Variants in PPM1H observed in about 807,000 individuals in gnomAD.
The protein encoded by PPM1H is protein phosphatase 1H.
Under a neutral mutation model 54.9 loss-of-function variants are expected in PPM1H, and 27 were observed. That is an observed-to-expected ratio of 0.49 (90% confidence interval 0.36 to 0.68). PPM1H has a LOEUF of 0.68. PPM1H is among the 30% of genes least tolerant of loss of function. PPM1H has a pLI of 0.00. For synonymous variants in PPM1H, 305 were observed against 270.8 expected (o/e 1.13, Z -1.24); for missense variants, 596 against 667.8 (o/e 0.89, Z 1.19).
In PPM1H at chr12:62,886,468, T is replaced by G. The variant is rs112081557; in HGVS notation, c.245+48024A>C. The stretch of plus-strand genomic sequence containing the variant: ...AAGTGCTGTATTTTTTTTTTAACAA[T>G]AAACAGCAGAAACTGAACAGTAGCA... On this transcript the variant is annotated intron_variant, in intron 1 of 9. Transcript: ENST00000228705. Among the ~76,000 whole-genome samples the G allele has an allele frequency of 4.7e-3, 717 of 152,278 alleles. 7 individuals carry two copies. Among genetic ancestry groups the G allele is most frequent in the Middle Eastern group, 0.02 (6 of 294 alleles).
intron 2 of PPM1H, among the ~76,000 whole-genome samples, chr12:62,806,214 TAGTATAATGCTAGAAGACACTG>T (rs1302093440): frequency 2.0e-5 from 3 of 152,158 alleles, no homozygotes; most frequent in African/African-American, 4.8e-5. Flanking sequence ...ATAAAATTTT[TAGTATAATGCTAGAAGACACTG>T]AGTAGATATG....
chr12:62,690,110 C>T (rs1251455172), intron 7 of PPM1H, among the ~76,000 whole-genome samples: 1 of 152,116 alleles, frequency 6.6e-6, no homozygotes, highest in East Asian at 1.9e-4. Flanking sequence ...AAACTAACTC[C>T]AATGCATGCG....
intron 1 of PPM1H, among the ~76,000 whole-genome samples, chr12:62,931,359 A>C (rs925307969): frequency 5.3e-5 from 8 of 152,142 alleles, no homozygotes; most frequent in Non-Finnish European, 1.0e-4. Context: ...CTCCCAGTAA[A>C]TCCTGTAGGA....
Position 62,864,449 on chromosome 12 carries a change from G to A in PPM1H, c.246-32170C>T, listed in dbSNP as rs1869706276. ...CATGCCACCAGAATTTGTGAACTGTGCAATGAGCACTTGCTGGTTTTGTCT... is the reference window on the plus strand; with the variant it reads ...CATGCCACCAGAATTTGTGAACTGTACAATGAGCACTTGCTGGTTTTGTCT... On this transcript the variant is annotated intron_variant, in intron 1 of 9. Transcript: ENST00000228705. Among the ~76,000 whole-genome samples the A allele has an allele frequency of 2.0e-5, 3 of 152,202 alleles. No individual in the cohort carries two copies. In the South Asian group the frequency reaches 6.2e-4, roughly 32 times the overall value.
At chr12:62,716,182 AG>A (rs887869982) in intron 6 of PPM1H, among the ~76,000 whole-genome samples, 1 of 152,116 alleles carries the variant, frequency 6.6e-6, no homozygotes, top group Non-Finnish European at 1.5e-5. Flanking sequence ...AATGGGAGTA[AG>A]GGGGGGTCAT....
At chr12:62,867,001 A>G (rs1301427589) in intron 1 of PPM1H, among the ~76,000 whole-genome samples, 2 of 151,856 alleles carry the variant, frequency 1.3e-5, no homozygotes, top group Non-Finnish European at 2.9e-5. Context: ...CATTCCACAA[A>G]TGTTTATTCA....
intron 9 of PPM1H, among the ~76,000 whole-genome samples, chr12:62,659,438 T>G: frequency 6.6e-6 from 1 of 152,106 alleles, no homozygotes; most frequent in South Asian, 2.1e-4. Flanking sequence ...TTTACTCCCA[T>G]CTCTGCCTGA....
intron 4 of PPM1H, among the ~76,000 whole-genome samples, chr12:62,779,934 A>C (rs1442899438): frequency 6.6e-6 from 1 of 152,236 alleles, no homozygotes; most frequent in African/African-American, 2.4e-5. Context: ...TCAGCACTCC[A>C]GTCTCTCTTT....
At chr12:62,872,896 A>T (rs1870034761) in intron 1 of PPM1H, among the ~76,000 whole-genome samples, 1 of 152,248 alleles carries the variant, frequency 6.6e-6, no homozygotes, top group South Asian at 2.1e-4. Flanking sequence ...TTTGAATCTA[A>T]ATACTACTTT....
chr12:62,899,565 A>G lies in PPM1H; in HGVS notation c.245+34927T>C, dbSNP rs560706551. On this transcript the variant is annotated intron_variant, in intron 1 of 9. Transcript: ENST00000228705. ...TGCACTTTGACATTTTAAAATATCT[A>G]TGTGCATAGTTATTAAAGAGCTTTT... Among the ~76,000 whole-genome samples, 8 of 152,348 alleles carry G rather than the reference A, an allele frequency of 5.3e-5. No individual in the cohort carries two copies. The South Asian group carries it at 1.7e-3, about 32-fold the overall frequency.
intron 2 of PPM1H, among the ~76,000 whole-genome samples, chr12:62,805,427 A>C (rs540607428): frequency 5.7e-4 from 87 of 152,254 alleles, no homozygotes; most frequent in Non-Finnish European, 1.0e-3. Context: ...ACAACAGCCA[A>C]GACACTGAAA....
chr12:62,792,438 T>C (rs1353335512), intron 3 of PPM1H, among the ~76,000 whole-genome samples: 1 of 152,254 alleles, frequency 6.6e-6, no homozygotes, highest in Non-Finnish European at 1.5e-5. Context: ...AAGAGTGAAC[T>C]TAAGTACTTT....
intron 4 of PPM1H, among the ~76,000 whole-genome samples, chr12:62,759,119 C>G (rs2076491898): frequency 6.6e-6 from 1 of 152,306 alleles, no homozygotes; most frequent in Non-Finnish European, 1.5e-5. Context: ...TTGGACTCAG[C>G]CCGCCTGCAC....
chr12:62,659,679 G>T (rs979981747), intron 9 of PPM1H, among the ~76,000 whole-genome samples: 2 of 152,168 alleles, frequency 1.3e-5, no homozygotes, highest in Non-Finnish European at 1.5e-5. Context: ...AACGACAAAA[G>T]CCCCTAGTCT....
At position 62,795,188 on chromosome 12, in the gene PPM1H, C is replaced by G. The variant is rs535121828; in HGVS notation, c.756+6628G>C. On this transcript the variant is annotated intron_variant, in intron 3 of 9. Transcript: ENST00000228705. ...CTTATAGTATTTGATGAAACTGTTA[C>G]CATCTCCCCTCATTGGAAGCATTTT... 2.0e-5 allele frequency among the ~76,000 whole-genome samples: 3 copies of G among 152,246 alleles called. No individual in the cohort carries two copies. The South Asian group carries it at 6.2e-4, about 32-fold the overall frequency.
chr12:62,920,659 TC>T (rs1386173386), intron 1 of PPM1H, among the ~76,000 whole-genome samples: 1 of 151,282 alleles, frequency 6.6e-6, no homozygotes, highest in Non-Finnish European at 1.5e-5. Context: ...TTCTTAATAG[TC>T]CCTTCTTTAT....
At position 62,832,270 on chromosome 12, in the gene PPM1H, A is replaced by G. The variant is rs771642841; in HGVS notation, c.255T>C (p.Asn85=). 6 of 1,611,442 alleles carry G rather than the reference A, an allele frequency of 3.7e-6. No individual in the cohort carries two copies. The highest frequency in any genetic ancestry group is 4.2e-6 in the Non-Finnish European group (5 of 1,178,760). ...PWATGYAEVI[N]AGKSTHNEDQ... The stretch of plus-strand genomic sequence containing the variant: ...CTTCATTGTGTGTGCTCTTCCCGGC[A>G]TTGATAACCCTGGAGAAGAAGCCGG... Residue 85 remains asparagine (N), a synonymous_variant, in exon 2 of 10, where the codon AAT becomes AAC. Coordinates refer to ENST00000228705, the MANE Select transcript of PPM1H (RefSeq NM_020700.2).
At chr12:62,920,961 G>A (rs772215349) in intron 1 of PPM1H, among the ~76,000 whole-genome samples, 10 of 151,988 alleles carry the variant, frequency 6.6e-5, no homozygotes, top group Non-Finnish European at 1.3e-4. Flanking sequence ...GTCTCACTCT[G>A]TCGCCCAGGC....
chr12:62,836,426 G>A (rs1868505487), intron 1 of PPM1H, among the ~76,000 whole-genome samples: 1 of 152,168 alleles, frequency 6.6e-6, no homozygotes, highest in Admixed American at 6.5e-5. Context: ...ATGAGCCAGA[G>A]ACTGCTGTTA....
Sources: gnomAD v4.1 joint callset for allele counts (sites outside exome capture counted in the v4.1 genomes callset) on GRCh38, gnomAD v4.1.1 for gene constraint, MANE v1.5 for transcripts, NCBI Gene and HGNC (gene_info 2026-07-23, HGNC 2026-07-21) for gene names.